The following PGCKA1 variants were observed in gnomAD, a reference collection of about 807,000 sequenced individuals.
PGCKA1 encodes the protein PDCD10 and GCKIII kinases-associated protein 1.
At chr4:37,480,171 C>T in the PGCKA1 span, among the ~76,000 whole-genome samples, 22 of 152,252 alleles carry the variant, frequency 1.4e-4, no homozygotes, top group Admixed American at 1.3e-3. Flanking sequence ...ACACAGCTGG[C>T]AATTAAAGAC....
At chr4:37,509,716 T>C in the PGCKA1 span, among the ~76,000 whole-genome samples, 76,243 of 148,922 alleles carry the variant, frequency 0.51, 20,004 homozygotes, top group African/African-American at 0.61. Flanking sequence ...ATCCCAGCAC[T>C]TCGCGAGGCC....
the PGCKA1 span, among the ~76,000 whole-genome samples, chr4:37,516,347 C>T: frequency 2.6e-5 from 4 of 152,320 alleles, no homozygotes; most frequent in African/African-American, 9.6e-5. Context: ...ATAGTACTGA[C>T]CGAAATCGAT....
the PGCKA1 span, among the ~76,000 whole-genome samples, chr4:37,475,177 G>A: frequency 6.6e-5 from 10 of 152,258 alleles, no homozygotes; most frequent in Admixed American, 5.2e-4. Flanking sequence ...AAAAGGTTGG[G>A]TTTGGAGGAA....
chr4:37,528,407 G>T, the PGCKA1 span, among the ~76,000 whole-genome samples: 1 of 152,148 alleles, frequency 6.6e-6, no homozygotes, highest in East Asian at 1.9e-4. Context: ...AAGGCCCAGG[G>T]CTGTGTTTTC....
chr4:37,520,825 G>A, the PGCKA1 span, among the ~76,000 whole-genome samples: 1 of 152,060 alleles, frequency 6.6e-6, no homozygotes, highest in Non-Finnish European at 1.5e-5. Context: ...CAGCATATTA[G>A]CCAGGATGGT....
the PGCKA1 span, among the ~76,000 whole-genome samples, chr4:37,542,081 C>G: frequency 6.6e-6 from 1 of 152,144 alleles, no homozygotes; most frequent in African/African-American, 2.4e-5. Flanking sequence ...ATTGGACAGG[C>G]CGGGTCTCAG....
chr4:37,521,857 C>T, the PGCKA1 span, among the ~76,000 whole-genome samples: 2 of 152,194 alleles, frequency 1.3e-5, no homozygotes, highest in South Asian at 4.1e-4. Flanking sequence ...TTTTGTAGAT[C>T]TGGATACCCC....
the PGCKA1 span, among the ~76,000 whole-genome samples, chr4:37,555,296 G>A: frequency 2.0e-5 from 3 of 152,218 alleles, no homozygotes; most frequent in South Asian, 6.2e-4. Flanking sequence ...AGCTTACTAA[G>A]TGTGCAGACA....
the PGCKA1 span, among the ~76,000 whole-genome samples, chr4:37,495,337 G>T: frequency 6.6e-6 from 1 of 152,186 alleles, no homozygotes; most frequent in South Asian, 2.1e-4. Context: ...ATTCCTCAAG[G>T]ATCTAGAACC....
At chr4:37,540,930 C>G in the PGCKA1 span, among the ~76,000 whole-genome samples, 1 of 149,388 alleles carries the variant, frequency 6.7e-6, no homozygotes, top group East Asian at 1.9e-4. Context: ...TTTAACTCCA[C>G]TTGGAAAAAA....
chr4:37,577,827 T>C, the PGCKA1 span, among the ~76,000 whole-genome samples: 5 of 152,230 alleles, frequency 3.3e-5, no homozygotes, highest in African/African-American at 1.2e-4. Context: ...AAGAGCTTAT[T>C]GTTGAATTTC....
the PGCKA1 span, among the ~76,000 whole-genome samples, chr4:37,475,840 C>G: frequency 6.6e-6 from 1 of 151,878 alleles, no homozygotes; most frequent in Admixed American, 6.6e-5. Context: ...ATTCCCAGAA[C>G]TGCTTTTTAC....
the PGCKA1 span, among the ~76,000 whole-genome samples, chr4:37,584,811 C>T: frequency 2.6e-5 from 4 of 151,912 alleles, no homozygotes; most frequent in Admixed American, 6.6e-5. Context: ...TGCCCTCCTT[C>T]GCCTTTCCTC....
the PGCKA1 span, among the ~76,000 whole-genome samples, chr4:37,530,292 C>T: frequency 3.3e-5 from 5 of 152,166 alleles, no homozygotes; most frequent in African/African-American, 1.2e-4. Flanking sequence ...GCAATGCCGG[C>T]TGGGCATGGT....
the PGCKA1 span, among the ~76,000 whole-genome samples, chr4:37,574,898 A>G: frequency 6.6e-6 from 1 of 152,200 alleles, no homozygotes; most frequent in Non-Finnish European, 1.5e-5. Flanking sequence ...TTCACTTAAC[A>G]TAACAACCTC....
chr4:37,554,493 A>G, the PGCKA1 span, among the ~76,000 whole-genome samples: 4 of 152,242 alleles, frequency 2.6e-5, no homozygotes, highest in East Asian at 7.7e-4. Flanking sequence ...GACTACAGGC[A>G]TGTGCCACCA....
the PGCKA1 span, among the ~76,000 whole-genome samples, chr4:37,473,352 C>T: frequency 2.0e-5 from 3 of 151,744 alleles, no homozygotes; most frequent in East Asian, 5.8e-4. Context: ...TATGATTAGC[C>T]TTGTGATTTC....
the PGCKA1 span, chr4:37,591,445 G>T: frequency 6.5e-6 from 1 of 154,034 alleles, no homozygotes; most frequent in East Asian, 1.9e-4. Flanking sequence ...ACCCAACCTG[G>T]AAAAAGTAAC....
the PGCKA1 span, among the ~76,000 whole-genome samples, chr4:37,523,284 C>G: frequency 2.6e-5 from 4 of 152,114 alleles, no homozygotes; most frequent in African/African-American, 9.7e-5. Flanking sequence ...TTCAGTGACT[C>G]ACAGTTGTTG....
Sources: allele counts gnomAD v4.1 joint callset (sites outside exome capture counted in the v4.1 genomes callset), GRCh38; gene constraint gnomAD v4.1.1; transcripts MANE v1.5; gene names NCBI Gene and HGNC (gene_info 2026-07-23, HGNC 2026-07-21).